Variants in CSMD3 observed in about 807,000 individuals in gnomAD.
CSMD3 encodes CUB and Sushi multiple domains 3.
Under a neutral mutation model 435.2 loss-of-function variants are expected in CSMD3, and 177 were observed. The ratio of observed to expected loss-of-function variants is 0.41; its 90% CI spans 0.36 to 0.46. The LOEUF (loss-of-function observed/expected upper bound fraction) is 0.46. Among genes scored for constraint, CSMD3 ranks in the 20% least tolerant of loss-of-function variants. The pLI, the probability that CSMD3 is intolerant of heterozygous loss-of-function variation, is 0.34. For missense variants in CSMD3, 4,265 were observed against 4,504.6 expected (o/e 0.95, Z 1.52); for synonymous variants, 1,656 against 1,520.5 (o/e 1.09, Z -2.07).
chr8:113,349,130 G>A (rs544925914), intron 1 of CSMD3, among the ~76,000 whole-genome samples: 43 of 152,076 alleles, frequency 2.8e-4, no homozygotes, highest in African/African-American at 8.2e-4. Context: ...GTTGTCTGTG[G>A]TGGAGAGAAT....
chr8:112,372,579 G>A (rs953077147), intron 38 of CSMD3, among the ~76,000 whole-genome samples: 3 of 152,138 alleles, frequency 2.0e-5, no homozygotes, highest in Non-Finnish European at 4.4e-5. Context: ...GGCGGGCGCG[G>A]TGGCTCATGC....
intron 65 of CSMD3, among the ~76,000 whole-genome samples, chr8:112,243,699 T>C (rs886700625): frequency 6.6e-6 from 1 of 152,150 alleles, no homozygotes; most frequent in African/African-American, 2.4e-5. Context: ...CTCCGTACTC[T>C]AATGAATAGT....
At chr8:113,161,593 C>G (rs1412222352) in intron 4 of CSMD3, among the ~76,000 whole-genome samples, 1 of 152,032 alleles carries the variant, frequency 6.6e-6, no homozygotes. Flanking sequence ...AAATGGAGAA[C>G]AAACCTATAT....
intron 17 of CSMD3, among the ~76,000 whole-genome samples, chr8:112,663,216 C>G (rs1214027108): frequency 6.6e-6 from 1 of 151,946 alleles, no homozygotes; most frequent in East Asian, 1.9e-4. Context: ...ATTCACAATA[C>G]CAAAGACTTG....
chr8:112,569,118 G>T (rs1829294402), intron 24 of CSMD3, among the ~76,000 whole-genome samples: 1 of 152,174 alleles, frequency 6.6e-6, no homozygotes. Context: ...TCCCAGGAAA[G>T]ATTTTGTATT....
At chr8:112,638,200 T>TAG (rs1033727583) in intron 21 of CSMD3, among the ~76,000 whole-genome samples, 22 of 147,652 alleles carry the variant, frequency 1.5e-4, no homozygotes, top group Non-Finnish European at 2.8e-4. Context: ...TAATTATATA[T>TAG]ATAATTAAAA....
chr8:113,297,018 T>C (rs190681141), intron 2 of CSMD3, among the ~76,000 whole-genome samples: 1 of 152,166 alleles, frequency 6.6e-6, no homozygotes, highest in Admixed American at 6.6e-5. Context: ...AACACAACAT[T>C]ATTTATGTTT....
intron 22 of CSMD3, among the ~76,000 whole-genome samples, chr8:112,601,037 G>C (rs771220488): frequency 1.3e-5 from 2 of 152,022 alleles, no homozygotes; most frequent in Non-Finnish European, 2.9e-5. Flanking sequence ...CAATAACAAG[G>C]AGGTAGGAAT....
intron 1 of CSMD3, among the ~76,000 whole-genome samples, chr8:113,394,015 T>C (rs2094472334): frequency 1.3e-5 from 2 of 152,124 alleles, no homozygotes; most frequent in Admixed American, 1.3e-4. Flanking sequence ...TAATGATGGA[T>C]ACTTGCAGCT....
At chr8:113,216,464 A>G (rs2092907137) in intron 3 of CSMD3, among the ~76,000 whole-genome samples, 1 of 151,898 alleles carries the variant, frequency 6.6e-6, no homozygotes, top group African/African-American at 2.4e-5. Flanking sequence ...TAGTAATTCT[A>G]TTTCATTGTA....
chr8:112,528,970 C>CA (rs1825257539), intron 27 of CSMD3, among the ~76,000 whole-genome samples: 2 of 152,072 alleles, frequency 1.3e-5, no homozygotes, highest in Non-Finnish European at 2.9e-5. Flanking sequence ...GAGATGGAAG[C>CA]TAGGGGCAAT....
chr8:112,869,368 C>A (rs2081069013), intron 10 of CSMD3, among the ~76,000 whole-genome samples: 1 of 152,108 alleles, frequency 6.6e-6, no homozygotes, highest in Non-Finnish European at 1.5e-5. Flanking sequence ...TCACAGGAAT[C>A]TATGACCCCA....
chr8:112,444,558 A>G (rs1586346164), intron 32 of CSMD3, among the ~76,000 whole-genome samples: 1 of 152,206 alleles, frequency 6.6e-6, no homozygotes, highest in East Asian at 1.9e-4. Context: ...GCACACAATA[A>G]CATGAATGAA....
chr8:112,731,888 A>G (rs1002152479), intron 13 of CSMD3, among the ~76,000 whole-genome samples: 2 of 152,164 alleles, frequency 1.3e-5, no homozygotes, highest in African/African-American at 4.8e-5. Flanking sequence ...GATATATTAT[A>G]TCAACAGTAG....
intron 22 of CSMD3, among the ~76,000 whole-genome samples, chr8:112,634,632 C>A (rs1189820863): frequency 6.6e-6 from 1 of 151,946 alleles, no homozygotes; most frequent in Non-Finnish European, 1.5e-5. Flanking sequence ...CAAAGAAACA[C>A]CTTAATAAAA....
At chr8:113,283,404 A>C (rs1004566622) in intron 2 of CSMD3, among the ~76,000 whole-genome samples, 1 of 152,054 alleles carries the variant, frequency 6.6e-6, no homozygotes, top group Non-Finnish European at 1.5e-5. Flanking sequence ...AAAAAATCCC[A>C]TCAAAAAGTG....
At chr8:113,032,963 T>C (rs1351739062) in intron 5 of CSMD3, among the ~76,000 whole-genome samples, 1 of 151,520 alleles carries the variant, frequency 6.6e-6, no homozygotes, top group African/African-American at 2.4e-5. Context: ...TTGCTTCAAA[T>C]GGTCCAAGCC....
At chr8:112,895,782 CTAATACTTAGAAG>C (rs2081933315) in intron 10 of CSMD3, among the ~76,000 whole-genome samples, 1 of 151,330 alleles carries the variant, frequency 6.6e-6, no homozygotes, top group South Asian at 2.1e-4. Context: ...GCTGGAGATA[CTAATACTTAGAAG>C]AGCGGTCAAG....
intron 13 of CSMD3, among the ~76,000 whole-genome samples, chr8:112,711,978 C>T (rs1369838000): frequency 6.6e-6 from 1 of 152,146 alleles, no homozygotes; most frequent in Non-Finnish European, 1.5e-5. Context: ...AACTATTAAG[C>T]TACTGGCGGT....
Sources: allele counts gnomAD v4.1 joint callset (sites outside exome capture counted in the v4.1 genomes callset), GRCh38; gene constraint gnomAD v4.1.1; transcripts MANE v1.5; gene names NCBI Gene and HGNC (gene_info 2026-07-23, HGNC 2026-07-21).